The following NTN1 variants were observed in gnomAD, a reference collection of about 807,000 sequenced individuals.
NTN1 encodes netrin-1.
NTN1 carries 11 observed loss-of-function variants against 54.2 expected under a neutral mutation model. That is an observed-to-expected ratio of 0.20 (90% CI 0.13 to 0.34). NTN1 has a LOEUF of 0.34. Ranked by LOEUF, NTN1 falls within the 10% of genes least tolerant of loss-of-function variation. The pLI, the probability that NTN1 is intolerant of heterozygous loss-of-function variation, is 1.00. For synonymous variants in NTN1, 371 were observed against 382.0 expected, an observed-to-expected ratio of 0.97 and a Z score of 0.33; for missense variants, 740 against 893.1, an observed-to-expected ratio of 0.83 and a Z score of 2.18.
chr17:9,130,348 C>G (rs1233044022), intron 2 of NTN1, among the ~76,000 whole-genome samples: 1 of 152,110 alleles, frequency 6.6e-6, no homozygotes, highest in Non-Finnish European at 1.5e-5. Flanking sequence ...GCAGGAGTCC[C>G]GTGCCTTGCT....
At chr17:9,124,678 CAT>C (rs2092240570) in intron 2 of NTN1, among the ~76,000 whole-genome samples, 1 of 152,192 alleles carries the variant, frequency 6.6e-6, no homozygotes, top group Non-Finnish European at 1.5e-5. Flanking sequence ...CATGCCATGT[CAT>C]AGAGGATGAC....
chr17:9,022,995 A>G lies in NTN1; in HGVS notation c.622A>G (p.Thr208Ala). Residue 208 changes from threonine to alanine, a missense_variant, in exon 2 of 7, where the codon ACC becomes GCC. Coordinates refer to ENST00000173229, the MANE Select transcript of NTN1 (RefSeq NM_004822.3). The stretch of plus-strand genomic sequence containing the variant: ...GGAGGCCGTGTGCACCGACTCGCAC[A>G]CCGACATGCGCCCGCTCTCGGGCGG... ...EQEAVCTDSH[T>A]DMRPLSGGLI... The G allele has an allele frequency of 6.2e-7, 1 of 1,609,576 alleles. No individual in the cohort carries two copies. Among genetic ancestry groups the G allele is most frequent in the Non-Finnish European group, 8.5e-7 (1 of 1,178,884 alleles).
intron 2 of NTN1, among the ~76,000 whole-genome samples, chr17:9,063,914 G>C (rs930417387): frequency 6.6e-6 from 1 of 152,106 alleles, no homozygotes; most frequent in African/African-American, 2.4e-5. Context: ...TCATGAGAAT[G>C]AGGGAAACCC....
chr17:9,187,654 CAAAAAAA>C lies in NTN1; in HGVS notation c.1411+4704_1411+4710del, dbSNP rs763852001. Among the ~76,000 whole-genome samples, 21 of 52,922 alleles carry C rather than the reference CAAAAAAA, an allele frequency of 4.0e-4. No homozygotes were observed. The South Asian group carries it at 0.016, about 41-fold the overall frequency. The allele number at this position is 52,922 out of a possible 152,430, so 34.7% of individuals were successfully genotyped here. On this transcript the variant is annotated intron_variant, in intron 5 of 6. Transcript: ENST00000173229. ...GCAAAATAGTGAAACCTCATCTCTC[CAAAAAAA>C]AAAAAAAAAAAAAAAAAACATTAGC...
At chr17:9,198,527 G>A (rs953307825) in intron 5 of NTN1, among the ~76,000 whole-genome samples, 16 of 152,132 alleles carry the variant, frequency 1.1e-4, no homozygotes, top group African/African-American at 3.1e-4. Flanking sequence ...TGGTGGGAAG[G>A]GAAGTTTTAC....
chr17:9,035,088 A>G (rs1041478679), intron 2 of NTN1, among the ~76,000 whole-genome samples: 17 of 152,036 alleles, frequency 1.1e-4, no homozygotes, highest in Non-Finnish European at 2.4e-4. Flanking sequence ...CTGGGACTAC[A>G]GGCGCCCGCC....
intron 2 of NTN1, among the ~76,000 whole-genome samples, chr17:9,091,535 C>T: frequency 6.7e-6 from 1 of 148,548 alleles, no homozygotes; most frequent in Admixed American, 6.8e-5. Context: ...CTCACTGCAA[C>T]ATTTGCCTCA....
At chr17:9,183,849 C>T in intron 5 of NTN1, among the ~76,000 whole-genome samples, 1 of 152,214 alleles carries the variant, frequency 6.6e-6, no homozygotes, top group East Asian at 1.9e-4. Context: ...GCTGTCGGCA[C>T]TCAGAGTGTA....
chr17:9,127,074 G>GGGC (rs1555570073), intron 2 of NTN1, among the ~76,000 whole-genome samples: 8 of 149,828 alleles, frequency 5.3e-5, no homozygotes, highest in Non-Finnish European at 1.0e-4. Flanking sequence ...GTAGGGCCGG[G>GGGC]GGGGGGCAGG....
chr17:9,162,797 C>G lies in NTN1; in HGVS notation c.1019-16C>G, dbSNP rs2092361262. ...GCGCCCCTGCGGCTGACACCTCTCT[C>G]TGTCTCCCCCTGCAGCCTGTAACTG... On this transcript the variant is annotated splice_polypyrimidine_tract_variant and intron_variant, in intron 2 of 6. Transcript: ENST00000173229. The G allele has an allele frequency of 6.3e-7, 1 of 1,594,776 alleles. No homozygotes were observed. The highest frequency in any genetic ancestry group is 2.3e-5 in the East Asian group (1 of 44,274).
At chr17:9,099,353 C>T (rs1025921800) in intron 2 of NTN1, among the ~76,000 whole-genome samples, 20 of 152,098 alleles carry the variant, frequency 1.3e-4, no homozygotes, top group African/African-American at 3.9e-4. Context: ...TGCAGTGAGC[C>T]GAGTTTGCGC....
At chr17:9,134,728 G>A (rs575461388) in intron 2 of NTN1, among the ~76,000 whole-genome samples, 1 of 152,174 alleles carries the variant, frequency 6.6e-6, no homozygotes, top group Non-Finnish European at 1.5e-5. Flanking sequence ...ACCCTTCTAG[G>A]TGCGAAGTGA....
chr17:9,104,041 A>G (rs2092158236), intron 2 of NTN1, among the ~76,000 whole-genome samples: 1 of 131,346 alleles, frequency 7.6e-6, no homozygotes, highest in African/African-American at 2.8e-5. Context: ...GTGAGCTAAG[A>G]TGGTGCCACT....
chr17:9,032,587 GTGC>G (rs2091891305), intron 2 of NTN1, among the ~76,000 whole-genome samples: 1 of 152,210 alleles, frequency 6.6e-6, no homozygotes, highest in African/African-American at 2.4e-5. Context: ...GTTTGGGCTG[GTGC>G]AGAAAGTGCC....
chr17:9,193,351 C>G (rs1231186374), intron 5 of NTN1, among the ~76,000 whole-genome samples: 1 of 152,122 alleles, frequency 6.6e-6, no homozygotes, highest in African/African-American at 2.4e-5. Context: ...CAGTTACATT[C>G]TCATCACCCA....
rs1343219609 is a variant in NTN1, at chr17:9,239,953, G to A, written c.1800G>A (p.Lys600=). The change falls in exon 7 of 7, where the codon AAG becomes AAA. Residue 600 remains lysine (K), a synonymous_variant. Transcript: ENST00000173229. This position sits in a 1 kb window ranked among gnomAD's most constrained non-coding sequence, Gnocchi z 5.2. ...RKFQQREKKG[K]CKKA is the part of the protein sequence containing the mutation. ...TCCAGCAGCGTGAGAAGAAGGGCAA[G>A]TGCAAGAAGGCCTAGCGCCGAGGCA... is the stretch of plus-strand genomic sequence containing the variant. 5.3e-6 allele frequency: 6 copies of A among 1,129,492 alleles called. No individual in the cohort carries two copies. Among genetic ancestry groups the A allele is most frequent in the Non-Finnish European group, 7.3e-6 (6 of 824,418 alleles). 70.0% of individuals were successfully genotyped at this position (1,129,492 alleles called of 1,614,324 possible).
At chr17:9,155,094 C>T (rs1455008236) in intron 2 of NTN1, among the ~76,000 whole-genome samples, 1 of 152,206 alleles carries the variant, frequency 6.6e-6, no homozygotes, top group Non-Finnish European at 1.5e-5. Context: ...TGTCCTCTCC[C>T]CGTTGTTCCA....
intron 2 of NTN1, among the ~76,000 whole-genome samples, chr17:9,053,128 C>T (rs2142200547): frequency 6.6e-6 from 1 of 152,362 alleles, no homozygotes; most frequent in Non-Finnish European, 1.5e-5. Flanking sequence ...TATTGGAACA[C>T]AGCCACGCCC....
At chr17:9,164,425 GA>G (rs910590724) in intron 3 of NTN1, among the ~76,000 whole-genome samples, 65 of 128,198 alleles carry the variant, frequency 5.1e-4, no homozygotes, top group Admixed American at 8.1e-4. Flanking sequence ...ACACTGTCTC[GA>G]AAAAAAAAAA....
Sources: gnomAD v4.1 joint callset for allele counts (sites outside exome capture counted in the v4.1 genomes callset) on GRCh38, gnomAD v4.1.1 for gene constraint, Gnocchi (gnomAD v3.1) non-coding constraint, MANE v1.5 for transcripts, NCBI Gene and HGNC (gene_info 2026-07-23, HGNC 2026-07-21) for gene names.